Variants in ZBTB46 observed in about 807,000 individuals in gnomAD.
ZBTB46 encodes the protein zinc finger and BTB domain-containing protein 46.
ZBTB46 carries 8 observed loss-of-function variants against 44.1 expected under a neutral mutation model. The ratio of observed to expected loss-of-function variants is 0.18; its 90% CI spans 0.11 to 0.33. The LOEUF (loss-of-function observed/expected upper bound fraction) is 0.33, where lower values mean the gene tolerates loss of function less well. Among genes scored for constraint, ZBTB46 ranks in the 10% least tolerant of loss-of-function variants. The pLI is 1.00. For synonymous variants in ZBTB46, 409 were observed against 382.3 expected (o/e 1.07, Z -0.81); for missense variants, 651 against 847.7 (o/e 0.77, Z 2.88).
intron 2 of ZBTB46, among the ~76,000 whole-genome samples, chr20:63,777,047 CCACACGCCACGGTTCCAG>C (rs2092431510): frequency 6.9e-6 from 1 of 145,200 alleles, no homozygotes; most frequent in Non-Finnish European, 1.5e-5. Context: ...CACGGTTCCA[CCACACGCCACGGTTCCAG>C]CACACGCCAC....
upstream of ZBTB46, among the ~76,000 whole-genome samples, chr20:63,833,778 A>C (rs1270320452): frequency 2.6e-5 from 4 of 152,226 alleles, no homozygotes; most frequent in Admixed American, 6.5e-5. Context: ...CTGGAGACGA[A>C]GACAGTATGT....
chr20:63,833,016 A>G (rs2092859717), upstream of ZBTB46, among the ~76,000 whole-genome samples: 2 of 151,702 alleles, frequency 1.3e-5, 1 homozygote, highest in South Asian at 4.2e-4. Flanking sequence ...TGCCTGCCCC[A>G]AGGGCCTCCC....
chr20:63,747,287 G>A lies in ZBTB46; in HGVS notation c.1413C>T (p.Asp471=). Residue 471 remains aspartate (D), a synonymous_variant, in exon 5 of 5, where the codon GAC becomes GAT. Transcript: ENST00000245663. The part of the protein sequence containing the change: ...MKRHTLVHSK[D]KKYVCKVCSR... ...TGCACACCTTGCACACATACTTCTT[G>A]TCCTTGCTGTGGACCTGCAGAGGCA... 6.7e-7 allele frequency: 1 copy of A among 1,486,286 alleles called. No homozygotes were observed. The highest frequency in any genetic ancestry group is 9.0e-7 in the Non-Finnish European group (1 of 1,116,346). The allele number at this position is 1,486,286 out of a possible 1,614,324, so 92.1% of individuals were successfully genotyped here. A position where few individuals can be genotyped will look rare whatever the true frequency, so the allele number is the denominator to read the frequency against.
chr20:63,784,283 C>T (rs1249200661), intron 2 of ZBTB46, among the ~76,000 whole-genome samples: 1 of 152,226 alleles, frequency 6.6e-6, no homozygotes, highest in East Asian at 1.9e-4. Flanking sequence ...GACCACCCTA[C>T]CCTGAGAGCT....
rs1355805649 is a variant in ZBTB46 at position 63,767,733 on chromosome 20, G to T, written c.1222+7945C>A. Among the ~76,000 whole-genome samples, 2 of 152,246 alleles carry T rather than the reference G, an allele frequency of 1.3e-5. No homozygotes were observed. The highest frequency in any genetic ancestry group is 3.8e-4 in the East Asian group (2 of 5,198). On this transcript the variant is annotated intron_variant, in intron 3 of 4. Coordinates refer to ENST00000245663, the MANE Select transcript of ZBTB46 (RefSeq NM_001369741.1). The surrounding 1 kb of genome is among the most constrained non-coding windows in gnomAD (Gnocchi z 5.0). ...CTTGCTTCACAGAGCTCCTTAGCTG[G>T]CCTCAGGGTAAAGCTGTCAGCGCCC...
At chr20:63,758,390 C>T (rs1468377903) in intron 3 of ZBTB46, among the ~76,000 whole-genome samples, 1 of 151,974 alleles carries the variant, frequency 6.6e-6, no homozygotes, top group Non-Finnish European at 1.5e-5. Context: ...AGAAACCAAA[C>T]AAGGCTCCGG....
chr20:63,759,715 T>A (rs2092256774), intron 3 of ZBTB46, among the ~76,000 whole-genome samples: 1 of 152,202 alleles, frequency 6.6e-6, no homozygotes, highest in Non-Finnish European at 1.5e-5. Flanking sequence ...GGCGTCTGTG[T>A]ATCGTTCCCG....
At position 63,787,679 on chromosome 20, in the gene ZBTB46, C is replaced by T. The variant is rs1233421969; in HGVS notation, c.937+2142G>A. The T allele has an allele frequency of 1.3e-5, 2 of 152,236 alleles. No individual in the cohort carries two copies. The highest frequency in any genetic ancestry group is 2.4e-5 in the African/African-American group (1 of 41,468). 9.4% of individuals were successfully genotyped at this position (152,236 alleles called of 1,614,324 possible). ...CTCCCAGAGCAACAGAATCGCCTAG[C>T]GATGCGTTTCTTGGAACCTATCCCT... On this transcript the variant is annotated intron_variant, in intron 2 of 4. Coordinates refer to ENST00000245663, the MANE Select transcript of ZBTB46 (RefSeq NM_001369741.1). The surrounding 1 kb of genome is among the most constrained non-coding windows in gnomAD (Gnocchi z 4.6).
At chr20:63,818,002 G>A (rs140532375) in intron 1 of ZBTB46, among the ~76,000 whole-genome samples, 1 of 152,180 alleles carries the variant, frequency 6.6e-6, no homozygotes, top group Non-Finnish European at 1.5e-5. Context: ...CCCATGTAAC[G>A]CAGCCCCAGG....
chr20:63,772,913 C>G (rs900883268), intron 3 of ZBTB46, among the ~76,000 whole-genome samples: 16 of 152,246 alleles, frequency 1.1e-4, no homozygotes, highest in African/African-American at 3.9e-4. Context: ...CGGCCACTCC[C>G]TCCACGTGCT....
chr20:63,801,996 G>C (rs1440894496), intron 1 of ZBTB46, among the ~76,000 whole-genome samples: 1 of 152,072 alleles, frequency 6.6e-6, no homozygotes, highest in Non-Finnish European at 1.5e-5. Flanking sequence ...CTTATCCAAG[G>C]ACCTCACTGC....
chr20:63,748,184 A>G (rs540067432), intron 4 of ZBTB46, among the ~76,000 whole-genome samples: 2 of 152,336 alleles, frequency 1.3e-5, no homozygotes, highest in Non-Finnish European at 2.9e-5. Context: ...AGAGATGAGC[A>G]CTTATGGTCA....
intron 1 of ZBTB46, among the ~76,000 whole-genome samples, chr20:63,799,326 C>T (rs1344957054): frequency 2.0e-5 from 3 of 151,848 alleles, no homozygotes; most frequent in Non-Finnish European, 2.9e-5. Flanking sequence ...AGGCGTGAGT[C>T]ATCACGTGTG....
At chr20:63,818,665 C>G (rs1264876581) in intron 1 of ZBTB46, among the ~76,000 whole-genome samples, 1 of 151,846 alleles carries the variant, frequency 6.6e-6, no homozygotes, top group Non-Finnish European at 1.5e-5. Flanking sequence ...ACCAGCCTGG[C>G]CAACATGGTG....
rs1380404647 is a variant in ZBTB46 at position 63,767,090 on chromosome 20, C to A, written c.1222+8588G>T. Among the ~76,000 whole-genome samples the A allele has an allele frequency of 2.0e-5, 3 of 152,210 alleles. No individual in the cohort carries two copies. The highest frequency in any genetic ancestry group is 4.4e-5 in the Non-Finnish European group (3 of 68,038). On this transcript the variant is annotated intron_variant, in intron 3 of 4. Coordinates refer to ENST00000245663, the MANE Select transcript of ZBTB46 (RefSeq NM_001369741.1). This position sits in a 1 kb window ranked among gnomAD's most constrained non-coding sequence, Gnocchi z 5.0. ...GAGGACGGGCAAGGGCACCGCGGGG[C>A]GCTCTTTCTGAAAAGCAGCACATTC...
At position 63,813,244 on chromosome 20, in the gene ZBTB46, T is replaced by G. The variant is rs1316944594; in HGVS notation, c.-34+17853A>C. Reference sequence around the variant, plus strand: ...CGGGTGGATCATCTGAGGTCAGGAGTTCGAGACCAGCCTGGCCAACATGGT... The same window carrying G: ...CGGGTGGATCATCTGAGGTCAGGAGGTCGAGACCAGCCTGGCCAACATGGT... On this transcript the variant is annotated intron_variant, in intron 1 of 4. Transcript: ENST00000245663. Among the ~76,000 whole-genome samples the G allele has an allele frequency of 3.3e-5, 5 of 149,976 alleles. No homozygotes were observed. In the East Asian group the frequency reaches 9.9e-4, roughly 30 times the overall value.
intron 4 of ZBTB46, among the ~76,000 whole-genome samples, chr20:63,749,676 A>G (rs1014437465): frequency 6.6e-6 from 1 of 152,224 alleles, no homozygotes; most frequent in African/African-American, 2.4e-5. Context: ...CAGAACAAAA[A>G]TTCAAGACAA....
chr20:63,768,124 A>C, intron 3 of ZBTB46: 1 of 985,512 alleles, frequency 1.0e-6, no homozygotes, highest in South Asian at 4.7e-5. Flanking sequence ...GCCATCTGGA[A>C]AGGAAGACTG....
rs951509406 is a variant in ZBTB46, at chr20:63,745,318, T to A, written c.*1612A>T. 23 of 152,262 alleles carry A rather than the reference T, an allele frequency of 1.5e-4. No homozygotes were observed. The highest frequency in any genetic ancestry group is 4.1e-4 in the African/African-American group (17 of 41,434). The allele number at this position is 152,262 out of a possible 1,614,324, so 9.4% of individuals were successfully genotyped here. On this transcript the variant is annotated 3_prime_UTR_variant, in exon 5 of 5. Coordinates refer to ENST00000245663, the MANE Select transcript of ZBTB46 (RefSeq NM_001369741.1). ...CAGCTCCAGCCAGGGCACCCTGTCA[T>A]TGGTAGAACCGGGGGCCAATGTCAA...
Sources: gnomAD v4.1 joint callset for allele counts (sites outside exome capture counted in the v4.1 genomes callset) on GRCh38, gnomAD v4.1.1 for gene constraint, Gnocchi (gnomAD v3.1) non-coding constraint, MANE v1.5 for transcripts, NCBI Gene and HGNC (gene_info 2026-07-23, HGNC 2026-07-21) for gene names.